The following CTNND2 variants were observed in gnomAD, a reference collection of about 807,000 sequenced individuals.
CTNND2 encodes catenin delta-2.
In CTNND2, 22 loss-of-function variants were observed where a neutral mutation model predicts 144.4. The ratio of observed to expected loss-of-function variants is 0.15; its 90% CI spans 0.11 to 0.22. The LOEUF (loss-of-function observed/expected upper bound fraction) is 0.22, where lower values mean the gene tolerates loss of function less well. Among genes scored for constraint, CTNND2 ranks in the 10% least tolerant of loss-of-function variants. The probability of loss-of-function intolerance (pLI) is 1.00; values close to 1 mark genes in which losing one functional copy is unlikely to be tolerated. For synonymous variants in CTNND2, 751 were observed against 695.6 expected (o/e 1.08, Z -1.25); for missense variants, 1,353 against 1,618.8 (o/e 0.84, Z 2.82).
intron 1 of CTNND2, among the ~76,000 whole-genome samples, chr5:11,784,116 A>G (rs368024792): frequency 6.6e-4 from 101 of 152,336 alleles, no homozygotes; most frequent in African/African-American, 2.4e-3. Flanking sequence ...TGTTGTGATC[A>G]GTGGACAAAT....
chr5:11,156,492 GA>G (rs1395655194), intron 12 of CTNND2, among the ~76,000 whole-genome samples: 2 of 152,102 alleles, frequency 1.3e-5, no homozygotes, highest in Non-Finnish European at 2.9e-5. Flanking sequence ...AGTATTCTAG[GA>G]AAAGAGTTTT....
At chr5:11,887,230 G>C (rs1409195376) in intron 1 of CTNND2, among the ~76,000 whole-genome samples, 1 of 151,792 alleles carries the variant, frequency 6.6e-6, no homozygotes, top group Non-Finnish European at 1.5e-5. Context: ...TGATCCGCCC[G>C]CCTCAGCCTC....
intron 11 of CTNND2, among the ~76,000 whole-genome samples, chr5:11,184,467 A>G (rs930436364): frequency 3.9e-5 from 6 of 152,224 alleles, no homozygotes; most frequent in Non-Finnish European, 7.3e-5. Flanking sequence ...AACATGCATG[A>G]AAGCCAAATA....
chr5:11,869,791 C>T (rs1795939666), intron 1 of CTNND2, among the ~76,000 whole-genome samples: 1 of 152,172 alleles, frequency 6.6e-6, no homozygotes, highest in Admixed American at 6.5e-5. Context: ...AAGAGGTACA[C>T]TAGAAGGTGA....
At chr5:11,303,891 A>C (rs371420419) in intron 9 of CTNND2, among the ~76,000 whole-genome samples, 5 of 152,160 alleles carry the variant, frequency 3.3e-5, no homozygotes, top group African/African-American at 1.2e-4. Context: ...GGTGGGAGAT[A>C]ACTGAATCAT....
intron 9 of CTNND2, among the ~76,000 whole-genome samples, chr5:11,250,145 T>A (rs1743407080): frequency 6.6e-6 from 1 of 152,184 alleles, no homozygotes; most frequent in Non-Finnish European, 1.5e-5. Context: ...ATTTTCACCC[T>A]TCAGTTTGAA....
chr5:11,377,423 C>T (rs952080239), intron 7 of CTNND2, among the ~76,000 whole-genome samples: 10 of 151,970 alleles, frequency 6.6e-5, no homozygotes, highest in Admixed American at 2.6e-4. Flanking sequence ...TTGAGGTGTC[C>T]GGGAAATAGG....
At chr5:11,801,553 G>T (rs538792530) in intron 1 of CTNND2, among the ~76,000 whole-genome samples, 1 of 152,258 alleles carries the variant, frequency 6.6e-6, no homozygotes, top group African/African-American at 2.4e-5. Context: ...GCAGGACATT[G>T]TAACTAAGAG....
chr5:11,850,544 G>A (rs950403783), intron 1 of CTNND2, among the ~76,000 whole-genome samples: 53 of 152,026 alleles, frequency 3.5e-4, no homozygotes, highest in African/African-American at 1.1e-3. Context: ...ACATTGTATC[G>A]GGGAATGAGA....
chr5:11,192,196 G>T (rs776918658), intron 11 of CTNND2, among the ~76,000 whole-genome samples: 4 of 152,150 alleles, frequency 2.6e-5, no homozygotes, highest in African/African-American at 7.2e-5. Flanking sequence ...ATCTCCCTTC[G>T]AGTGGGAAAT....
intron 18 of CTNND2, among the ~76,000 whole-genome samples, chr5:11,003,596 G>A (rs1007516554): frequency 3.9e-5 from 6 of 152,174 alleles, no homozygotes; most frequent in African/African-American, 1.4e-4. Context: ...TGCACAGTCT[G>A]TGTGACTAAA....
rs749236199 is a variant in CTNND2 at position 10,999,942 on chromosome 5, G to A, written c.3085-7265C>T. Reference sequence around the variant, plus strand: ...GGCATTTCCAATGTGCACGACAATCGGGCGATGTTCATCCCCACAGCCCCA... The same window carrying A: ...GGCATTTCCAATGTGCACGACAATCAGGCGATGTTCATCCCCACAGCCCCA... On this transcript the variant is annotated intron_variant, in intron 18 of 21. Transcript: ENST00000304623. Among the ~76,000 whole-genome samples the A allele has an allele frequency of 4.6e-5, 7 of 152,196 alleles. No individual in the cohort carries two copies. In the East Asian group the frequency reaches 7.7e-4, roughly 17 times the overall value.
chr5:11,215,650 C>A (rs1238835750), intron 10 of CTNND2, among the ~76,000 whole-genome samples: 1 of 152,320 alleles, frequency 6.6e-6, no homozygotes, highest in East Asian at 1.9e-4. Flanking sequence ...TCTGCTGTCA[C>A]TCTTTAGGCT....
intron 3 of CTNND2, among the ~76,000 whole-genome samples, chr5:11,430,041 G>A (rs942843614): frequency 3.3e-5 from 5 of 152,008 alleles, no homozygotes; most frequent in African/African-American, 7.2e-5. Flanking sequence ...CATGAGGTCA[G>A]GAGTTTGAGA....
Position 11,300,782 on chromosome 5 carries a change from A to C in CTNND2, c.1628+45590T>G, listed in dbSNP as rs73743742. Among the ~76,000 whole-genome samples, 575 of 152,220 alleles carry C rather than the reference A, an allele frequency of 3.8e-3. 4 individuals are homozygous for C. Among genetic ancestry groups the C allele is most frequent in the African/African-American group, 0.013 (557 of 41,538 alleles). The stretch of plus-strand genomic sequence containing the variant: ...GACCCTCTCCATGACGAGCTAAGCC[A>C]CTACTCTTTTGAGCACCCCCAGCCT... On this transcript the variant is annotated intron_variant, in intron 9 of 21. Coordinates refer to ENST00000304623, the MANE Select transcript of CTNND2 (RefSeq NM_001332.4).
rs141030867 is a variant in CTNND2 at position 11,244,128 on chromosome 5, G to A, written c.1629-7305C>T. Among the ~76,000 whole-genome samples, 538 of 152,172 alleles carry A rather than the reference G, an allele frequency of 3.5e-3. 4 individuals carry two copies. The highest frequency in any genetic ancestry group is 0.012 in the African/African-American group (518 of 41,508). ...AAGGGTGCAGGGGTGATGGTCATAA[G>A]TTAGATAGATTTTTTTAAAGAACAA... On this transcript the variant is annotated intron_variant, in intron 9 of 21. Coordinates refer to ENST00000304623, the MANE Select transcript of CTNND2 (RefSeq NM_001332.4).
intron 12 of CTNND2, among the ~76,000 whole-genome samples, chr5:11,143,400 GA>G (rs34893559): frequency 3.3e-5 from 5 of 151,996 alleles, no homozygotes; most frequent in South Asian, 2.1e-4. Context: ...CAAGGGTTGT[GA>G]AAAAAAACTC....
chr5:11,023,722 A>C (rs2149540342), intron 16 of CTNND2, among the ~76,000 whole-genome samples: 1 of 152,356 alleles, frequency 6.6e-6, no homozygotes, highest in African/African-American at 2.4e-5. Flanking sequence ...AATACAATCC[A>C]ATTCTGCTTC....
intron 9 of CTNND2, among the ~76,000 whole-genome samples, chr5:11,327,333 G>C (rs1002471742): frequency 6.6e-6 from 1 of 152,174 alleles, no homozygotes; most frequent in African/African-American, 2.4e-5. Flanking sequence ...AGAGAACTTA[G>C]GGGGATTTGG....
Sources: allele counts gnomAD v4.1 joint callset (sites outside exome capture counted in the v4.1 genomes callset), GRCh38; gene constraint gnomAD v4.1.1; transcripts MANE v1.5; gene names NCBI Gene and HGNC (gene_info 2026-07-23, HGNC 2026-07-21).